CSRNP3: variants seen among roughly 807,000 people sequenced by gnomAD.
CSRNP3 encodes the protein cysteine and serine rich nuclear protein 3, also known as cysteine/serine-rich nuclear protein 3.
CSRNP3 carries 12 observed loss-of-function variants against 48.0 expected under a neutral mutation model. That is an observed-to-expected ratio of 0.25 (90% CI 0.16 to 0.41). The LOEUF (loss-of-function observed/expected upper bound fraction) is 0.41. Among genes scored for constraint, CSRNP3 ranks in the 10% least tolerant of loss-of-function variants. CSRNP3 has a pLI of 1.00. For synonymous variants in CSRNP3, 263 were observed against 269.7 expected, an observed-to-expected ratio of 0.98 and a Z score of 0.24; for missense variants, 580 against 724.4, an observed-to-expected ratio of 0.80 and a Z score of 2.29.
rs755093428 is a variant in CSRNP3, at chr2:165,474,940, G to A, written c.-283+5200G>A. On this transcript the variant is annotated intron_variant, in intron 1 of 6. Coordinates refer to ENST00000651982, the MANE Select transcript of CSRNP3 (RefSeq NM_001172173.2). ...AAATGCATTTCAGCTTTGTATTTTA[G>A]CAAGTGTGGATACAGTTAGTTGCTG... is the stretch of plus-strand genomic sequence containing the variant. 5.3e-5 allele frequency among the ~76,000 whole-genome samples: 8 copies of A among 152,146 alleles called. No individual in the cohort carries two copies. The South Asian group carries it at 6.2e-4, about 12-fold the overall frequency.
intron 3 of CSRNP3, chr2:165,566,887 T>A (rs374019940): frequency 3.3e-5 from 5 of 152,060 alleles, no homozygotes; most frequent in East Asian, 1.9e-4. Flanking sequence ...ATGTATGAAT[T>A]AATGCATAAA....
At chr2:165,568,980 T>G (rs981896382) in intron 3 of CSRNP3, among the ~76,000 whole-genome samples, 5 of 152,080 alleles carry the variant, frequency 3.3e-5, no homozygotes, top group Admixed American at 6.6e-5. Context: ...ATGCAAACTT[T>G]TGAAAAAGTA....
At chr2:165,621,884 A>C (rs891838444) in intron 4 of CSRNP3, among the ~76,000 whole-genome samples, 7 of 152,158 alleles carry the variant, frequency 4.6e-5, no homozygotes, top group Non-Finnish European at 8.8e-5. Flanking sequence ...GTGTGCTATT[A>C]AGTGTTTCTA....
chr2:165,532,080 C>CA (rs370855574), intron 3 of CSRNP3, among the ~76,000 whole-genome samples: 1 of 151,826 alleles, frequency 6.6e-6, no homozygotes, highest in East Asian at 1.9e-4. Context: ...GCTTACCAAC[C>CA]AAAAAAAGTC....
chr2:165,562,767 T>C (rs1685250578), intron 3 of CSRNP3, among the ~76,000 whole-genome samples: 1 of 152,198 alleles, frequency 6.6e-6, no homozygotes, highest in African/African-American at 2.4e-5. Flanking sequence ...GTTCTTGAGA[T>C]TGTAGTTTAT....
At chr2:165,655,281 A>G (rs1183840159) in intron 4 of CSRNP3, among the ~76,000 whole-genome samples, 1 of 152,164 alleles carries the variant, frequency 6.6e-6, no homozygotes, top group African/African-American at 2.4e-5. Context: ...TGCATGCTGA[A>G]ATATGGTAGC....
chr2:165,552,785 C>T lies in CSRNP3; in HGVS notation c.-24+34824C>T, dbSNP rs1003681219. Among the ~76,000 whole-genome samples the T allele has an allele frequency of 3.3e-5, 5 of 151,972 alleles. No homozygotes were observed. In the South Asian group the frequency reaches 8.3e-4, roughly 25 times the overall value. ...TCTTGGCTCACTGCAACCTTCGCAT[C>T]CTGGGTTCTAGCGATCCTTCTGCCT... On this transcript the variant is annotated intron_variant, in intron 3 of 6. Coordinates refer to ENST00000651982, the MANE Select transcript of CSRNP3 (RefSeq NM_001172173.2).
At chr2:165,551,324 C>T (rs1240129903) in intron 3 of CSRNP3, among the ~76,000 whole-genome samples, 1 of 152,164 alleles carries the variant, frequency 6.6e-6, no homozygotes, top group Non-Finnish European at 1.5e-5. Context: ...ATGAAGTTTC[C>T]TTCGCACCTT....
At chr2:165,566,224 G>A (rs895792336) in intron 3 of CSRNP3, among the ~76,000 whole-genome samples, 1 of 151,742 alleles carries the variant, frequency 6.6e-6, no homozygotes, top group Admixed American at 6.6e-5. Context: ...AAAAATCTTA[G>A]CATTTTCAGA....
chr2:165,539,899 T>C (rs1173761036), intron 3 of CSRNP3, among the ~76,000 whole-genome samples: 1 of 152,078 alleles, frequency 6.6e-6, no homozygotes, highest in East Asian at 1.9e-4. Context: ...GAGCAAATTC[T>C]AAGAAACTAG....
rs529504430 is a variant in CSRNP3 at position 165,473,925 on chromosome 2, G to A, written c.-283+4185G>A. 2.1e-4 allele frequency among the ~76,000 whole-genome samples: 31 copies of A among 150,850 alleles called. No homozygotes were observed. The South Asian group carries it at 5.7e-3, about 28-fold the overall frequency. Reference sequence around the variant, plus strand: ...TATCAGTGCTATTTCTATGAACTACGTATAGTAAGGAAATCACTTTGATAC... The same window carrying A: ...TATCAGTGCTATTTCTATGAACTACATATAGTAAGGAAATCACTTTGATAC... On this transcript the variant is annotated intron_variant, in intron 1 of 6. Transcript: ENST00000651982.
chr2:165,686,331 AC>A lies in CSRNP3; in HGVS notation c.*6580del, dbSNP rs1261492935. The A allele has an allele frequency of 6.6e-6, 1 of 151,934 alleles. No homozygotes were observed. The highest frequency in any genetic ancestry group is 2.4e-5 in the African/African-American group (1 of 41,368). The allele number at this position is 151,934 out of a possible 1,614,324, so 9.4% of individuals were successfully genotyped here. ...TTTTGCTGTTGTCTCTACATAGGGG[AC>A]CTATGGAAAAGGAGTTTGAAATTTC... is the stretch of plus-strand genomic sequence containing the variant. On this transcript the variant is annotated 3_prime_UTR_variant, in exon 7 of 7. Coordinates refer to ENST00000651982, the MANE Select transcript of CSRNP3 (RefSeq NM_001172173.2).
intron 4 of CSRNP3, among the ~76,000 whole-genome samples, chr2:165,647,425 G>T (rs6753778): frequency 9.9e-5 from 15 of 152,058 alleles, no homozygotes; most frequent in Admixed American, 3.9e-4. Flanking sequence ...CCTCAATAAT[G>T]TATGTTCCAT....
intron 3 of CSRNP3, among the ~76,000 whole-genome samples, chr2:165,561,419 AT>A (rs945406537): frequency 2.0e-5 from 3 of 151,494 alleles, no homozygotes; most frequent in African/African-American, 4.8e-5. Flanking sequence ...AGAATGGTTG[AT>A]TTTTTTTTCT....
At chr2:165,571,913 C>CT (rs565523671) in intron 3 of CSRNP3, among the ~76,000 whole-genome samples, 213 of 152,072 alleles carry the variant, frequency 1.4e-3, no homozygotes, top group African/African-American at 4.0e-3. Flanking sequence ...CAGCAATTAT[C>CT]TTTTTACAAA....
At chr2:165,511,808 A>G (rs6723887) in intron 2 of CSRNP3, among the ~76,000 whole-genome samples, 29,680 of 152,084 alleles carry the variant, frequency 0.2, 3,131 homozygotes, top group African/African-American at 0.25. Context: ...GTGGTCATAT[A>G]CCAAAAGTTA....
chr2:165,542,780 A>T (rs953062061), intron 3 of CSRNP3, among the ~76,000 whole-genome samples: 1 of 152,140 alleles, frequency 6.6e-6, no homozygotes, highest in Non-Finnish European at 1.5e-5. Context: ...TTCATCTTGT[A>T]TATTCTACTT....
At chr2:165,563,776 C>A (rs548319534) in intron 3 of CSRNP3, among the ~76,000 whole-genome samples, 8 of 152,128 alleles carry the variant, frequency 5.3e-5, no homozygotes, top group African/African-American at 1.9e-4. Context: ...GTGCCACAGG[C>A]CTTCTCTGAT....
chr2:165,633,852 A>G (rs967677294), intron 4 of CSRNP3, among the ~76,000 whole-genome samples: 5 of 151,936 alleles, frequency 3.3e-5, no homozygotes, highest in Non-Finnish European at 7.4e-5. Context: ...TCCCCTTACA[A>G]CCTCTGGGTA....
Sources: gnomAD v4.1 joint callset for allele counts (sites outside exome capture counted in the v4.1 genomes callset) on GRCh38, gnomAD v4.1.1 for gene constraint, MANE v1.5 for transcripts, NCBI Gene and HGNC (gene_info 2026-07-23, HGNC 2026-07-21) for gene names.